Variants in RAB8A observed in about 807,000 individuals in gnomAD.
The protein encoded by RAB8A is ras-related protein Rab-8A.
RAB8A carries 5 observed loss-of-function variants against 29.2 expected under a neutral mutation model. The ratio of observed to expected loss-of-function variants is 0.17; its 90% CI spans 0.09 to 0.36. The LOEUF (loss-of-function observed/expected upper bound fraction) is 0.36. RAB8A is among the 10% of genes least tolerant of loss of function. The probability of loss-of-function intolerance (pLI) is 1.00; values close to 1 mark genes in which losing one functional copy is unlikely to be tolerated. For synonymous variants in RAB8A, 108 were observed against 99.9 expected (o/e 1.08, Z -0.49); for missense variants, 171 against 272.2 (o/e 0.63, Z 2.62).
At position 16,132,532 on chromosome 19, in the gene RAB8A, C is replaced by T. The variant is rs1184659897; in HGVS notation, c.*228C>T. ...TAAAAATTTGCTATTTTTCCTGTAA[C>T]ATCTGCTGAACGGGCCCACCCACAC... On this transcript the variant is annotated 3_prime_UTR_variant, in exon 8 of 8. Transcript: ENST00000300935. This position sits in a 1 kb window ranked among gnomAD's most constrained non-coding sequence, Gnocchi z 5.6. 6 of 553,924 alleles carry T rather than the reference C, an allele frequency of 1.1e-5. No homozygotes were observed. The highest frequency in any genetic ancestry group is 1.9e-5 in the African/African-American group (1 of 52,674). The allele number at this position is 553,924 out of a possible 1,614,324, so 34.3% of individuals were successfully genotyped here. A position where few individuals can be genotyped will look rare whatever the true frequency, so the allele number is the denominator to read the frequency against.
chr19:16,134,201 T>C lies in RAB8A; in HGVS notation c.*1897T>C, dbSNP rs2090944129. On this transcript the variant is annotated 3_prime_UTR_variant, in exon 8 of 8. Coordinates refer to ENST00000300935, the MANE Select transcript of RAB8A (RefSeq NM_005370.5). ...TCTCACAGTGGGGTCACACACCCCA[T>C]GCTTAACTCCCCCAACAATGAGTTG... 1 of 152,266 alleles carries C rather than the reference T, an allele frequency of 6.6e-6. No homozygotes were observed. The highest frequency in any genetic ancestry group is 2.1e-4 in the South Asian group (1 of 4,830). 9.4% of individuals were successfully genotyped at this position (152,266 alleles called of 1,614,324 possible). A position where few individuals can be genotyped will look rare whatever the true frequency, so the allele number is the denominator to read the frequency against.
At chr19:16,112,121 C>A in intron 1 of RAB8A, 96 bp downstream of exon 1, 1 of 1,515,106 alleles carries the variant, frequency 6.6e-7, no homozygotes, top group Non-Finnish European at 8.9e-7. Flanking sequence ...CTGGACGGGC[C>A]GAGGGCGCTG....
chr19:16,125,443 G>T lies in RAB8A; in HGVS notation c.247-27G>T. On this transcript the variant is annotated intron_variant, in intron 3 of 7. Coordinates refer to ENST00000300935, the MANE Select transcript of RAB8A (RefSeq NM_005370.5). This position sits in a 1 kb window ranked among gnomAD's most constrained non-coding sequence, Gnocchi z 5.0. ...CCTTCCAGAGCCTGCAGCCGATCAG[G>T]CACCTGTGTCTTCTCTCCCCGCGCA... The T allele has an allele frequency of 6.2e-7, 1 of 1,603,720 alleles. No individual in the cohort carries two copies. The highest frequency in any genetic ancestry group is 1.3e-5 in the African/African-American group (1 of 74,764).
chr19:16,114,445 C>G (rs1419776038), intron 1 of RAB8A, among the ~76,000 whole-genome samples: 1 of 142,592 alleles, frequency 7.0e-6, no homozygotes, highest in African/African-American at 2.6e-5. Context: ...GGCGCGATCT[C>G]GGCTCACTGC....
At chr19:16,121,995 T>C in intron 3 of RAB8A, 185 bp downstream of exon 3, 1 of 538,352 alleles carries the variant, frequency 1.9e-6, no homozygotes, top group Non-Finnish European at 3.4e-6. Flanking sequence ...TGTACATACC[T>C]CCCCTTCTGG....
At position 16,127,560 on chromosome 19, in the gene RAB8A, G is replaced by A. The variant is rs377641421; in HGVS notation, c.414+34G>A. 2.0e-4 allele frequency: 293 copies of A among 1,433,522 alleles called. No individual in the cohort carries two copies. In the African/African-American group the frequency reaches 3.7e-3, roughly 18 times the overall value. 88.8% of individuals were successfully genotyped at this position (1,433,522 alleles called of 1,614,324 possible). A position where few individuals can be genotyped will look rare whatever the true frequency, so the allele number is the denominator to read the frequency against. On this transcript the variant is annotated intron_variant, in intron 5 of 7. Coordinates refer to ENST00000300935, the MANE Select transcript of RAB8A (RefSeq NM_005370.5). The surrounding 1 kb of genome is among the most constrained non-coding windows in gnomAD (Gnocchi z 4.8). ...GGTGGCACAAGGGGCAGAGGGCCTC[G>A]GGGTCTTGGGGTTCTTGTGCAGAGG... is the stretch of plus-strand genomic sequence containing the variant.
At chr19:16,115,662 C>A (rs1356048193) in intron 1 of RAB8A, among the ~76,000 whole-genome samples, 2 of 152,214 alleles carry the variant, frequency 1.3e-5, no homozygotes, top group Non-Finnish European at 2.9e-5. Flanking sequence ...GGCCAGGCAG[C>A]CATTTTGGCA....
chr19:16,128,480 C>A (rs2090911561), intron 6 of RAB8A, among the ~76,000 whole-genome samples: 1 of 152,140 alleles, frequency 6.6e-6, no homozygotes, highest in Non-Finnish European at 1.5e-5. Flanking sequence ...AGCAGGGAGC[C>A]CTGATGGGAC....
At chr19:16,121,168 C>T (rs555640461) in intron 2 of RAB8A, among the ~76,000 whole-genome samples, 58 of 152,210 alleles carry the variant, frequency 3.8e-4, no homozygotes, top group Non-Finnish European at 6.2e-4. Context: ...CCACCTGCCT[C>T]GGCCTCCCAA....
At chr19:16,113,033 A>T (rs1223048363) in intron 1 of RAB8A, among the ~76,000 whole-genome samples, 1 of 152,208 alleles carries the variant, frequency 6.6e-6, no homozygotes, top group Non-Finnish European at 1.5e-5. Flanking sequence ...ACTTTAGAAC[A>T]GCTTTTCCTG....
At chr19:16,115,072 C>A (rs777370372) in intron 1 of RAB8A, among the ~76,000 whole-genome samples, 3 of 152,070 alleles carry the variant, frequency 2.0e-5, no homozygotes, top group Non-Finnish European at 4.4e-5. Flanking sequence ...TTTTAGGAAG[C>A]CCAGGCACAC....
chr19:16,121,966 G>C (rs2090877372), intron 3 of RAB8A, 156 bp downstream of exon 3: 6 of 674,138 alleles, frequency 8.9e-6, no homozygotes, highest in Non-Finnish European at 1.3e-5. Flanking sequence ...AACAGGCTTT[G>C]TGCCCCGGCC....
Position 16,125,537 on chromosome 19 carries a change from A to G in RAB8A, c.314A>G (p.Asn105Ser), listed in dbSNP as rs757394695. The change falls in exon 4 of 8, where the codon AAC becomes AGC. Residue 105 changes from asparagine (N) to serine (S), a missense_variant. Asn to Ser is a conservative substitution (Grantham distance 46, BLOSUM62 1). Around this residue, in one of 3 missense-constraint regions of RAB8A, gnomAD observed 145 missense variants for 212.8 expected, o/e 0.68. Transcript: ENST00000300935. This position sits in a 1 kb window ranked among gnomAD's most constrained non-coding sequence, Gnocchi z 5.0. ...GACAACATCCGGAACTGGATTCGCA[A>G]CATTGAGGAGGTGAGGCCCTCCGGC... ...SFDNIRNWIR[N>S]IEEHASADVE... The G allele has an allele frequency of 6.2e-7, 1 of 1,613,606 alleles. No individual in the cohort carries two copies. The highest frequency in any genetic ancestry group is 8.5e-7 in the Non-Finnish European group (1 of 1,179,592).
chr19:16,121,252 A>G (rs901389480), intron 2 of RAB8A, among the ~76,000 whole-genome samples: 6 of 152,012 alleles, frequency 3.9e-5, no homozygotes, highest in Non-Finnish European at 8.8e-5. Context: ...AACACTAAGT[A>G]CCCTTCAAGC....
chr19:16,121,060 G>T (rs2090873129), intron 2 of RAB8A, among the ~76,000 whole-genome samples: 1 of 151,710 alleles, frequency 6.6e-6, no homozygotes, highest in Non-Finnish European at 1.5e-5. Context: ...GGGATTACAG[G>T]CACGTGCCAC....
intron 7 of RAB8A, 40 bp downstream of exon 7, chr19:16,129,644 G>A (rs2090916809): frequency 2.5e-6 from 4 of 1,602,332 alleles, no homozygotes; most frequent in Non-Finnish European, 3.4e-6. Context: ...GTGGATCTCT[G>A]GGATCCAGCC....
In RAB8A at chr19:16,133,619, C is replaced by T. The variant is rs1168679318; in HGVS notation, c.*1315C>T. The T allele has an allele frequency of 6.5e-6, 1 of 152,684 alleles. No individual in the cohort carries two copies. The highest frequency in any genetic ancestry group is 1.5e-5 in the Non-Finnish European group (1 of 68,080). The allele number at this position is 152,684 out of a possible 1,614,324, so 9.5% of individuals were successfully genotyped here. On this transcript the variant is annotated 3_prime_UTR_variant, in exon 8 of 8. Transcript: ENST00000300935. ...CTTAAGGAAAACAAACAAATTAAAG[C>T]TCATCTTAAAGTCCAAGGATTTTTA...
In RAB8A at chr19:16,125,010, C is replaced by CATTAAA; in HGVS notation, c.247-459_247-458insTTAAAA. On this transcript the variant is annotated intron_variant, in intron 3 of 7. Coordinates refer to ENST00000300935, the MANE Select transcript of RAB8A (RefSeq NM_005370.5). This position sits in a 1 kb window ranked among gnomAD's most constrained non-coding sequence, Gnocchi z 5.0. ...ATGTCGGGTCAGGACTTCCTGGGCT[C>CATTAAA]AGTTGTGCCTGGTAGGTGGCTCAGG... The CATTAAA allele has an allele frequency of 4.7e-5, 9 of 190,664 alleles. No homozygotes were observed. Among genetic ancestry groups the CATTAAA allele is most frequent in the South Asian group, 4.0e-4 (4 of 10,048 alleles). 11.8% of individuals were successfully genotyped at this position (190,664 alleles called of 1,614,324 possible). A position where few individuals can be genotyped will look rare whatever the true frequency, so the allele number is the denominator to read the frequency against.
intron 7 of RAB8A, among the ~76,000 whole-genome samples, chr19:16,130,303 G>A (rs2090919740): frequency 6.6e-6 from 1 of 152,044 alleles, no homozygotes; most frequent in African/African-American, 2.4e-5. Flanking sequence ...CCTGGTTCCA[G>A]CAACTGCCCT....
Sources: gnomAD v4.1 joint callset for allele counts (sites outside exome capture counted in the v4.1 genomes callset) on GRCh38, gnomAD v4.1.1 for gene constraint, gnomAD v4.1.1 regional missense constraint, Gnocchi (gnomAD v3.1) non-coding constraint, MANE v1.5 for transcripts, NCBI Gene and HGNC (gene_info 2026-07-23, HGNC 2026-07-21) for gene names.